Variants in DGKZ observed in about 807,000 individuals in gnomAD.
DGKZ encodes diacylglycerol kinase zeta.
DGKZ carries 45 observed loss-of-function variants against 142.5 expected under a neutral mutation model. The ratio of observed to expected loss-of-function variants is 0.32; its 90% CI spans 0.25 to 0.40. The LOEUF is 0.40. Among genes scored for constraint, DGKZ ranks in the 10% least tolerant of loss-of-function variants. The pLI is 1.00. For missense variants in DGKZ, 755 were observed against 1,306.5 expected (o/e 0.58, Z 6.51); for synonymous variants, 442 against 527.0 (o/e 0.84, Z 2.21).
At chr11:46,375,768 C>G in intron 20 of DGKZ, 83 bp from the exon 21 acceptor site, 1 of 1,519,056 alleles carries the variant, frequency 6.6e-7, no homozygotes, top group Non-Finnish European at 8.9e-7. Context: ...GACCTTCTCT[C>G]GGCAAGTGGT....
At chr11:46,336,013 G>A (rs974888682) in intron 1 of DGKZ, among the ~76,000 whole-genome samples, 2 of 152,194 alleles carry the variant, frequency 1.3e-5, no homozygotes, top group Non-Finnish European at 1.5e-5. Flanking sequence ...CCTGCTGTGC[G>A]GAGTTGCTAA....
At chr11:46,369,865 G>A (rs1943749725) in intron 5 of DGKZ, 76 bp from the exon 6 acceptor site, 5 of 1,514,184 alleles carry the variant, frequency 3.3e-6, no homozygotes, top group Non-Finnish European at 4.6e-6. Context: ...CCCGTGTGTT[G>A]AGCCGTGTGG....
rs1944491008 is a variant in DGKZ at position 46,376,054 on chromosome 11, T to C, written c.2012-12T>C. ...GGTGCAGCCAGCTGCTGACAGGTGC[T>C]CTGTTCTCCAGCTGTGCCGCTGGGC... On this transcript the variant is annotated splice_polypyrimidine_tract_variant and intron_variant, in intron 21 of 30. Coordinates refer to ENST00000527911, the Ensembl canonical transcript of DGKZ. 2 of 1,611,988 alleles carry C rather than the reference T, an allele frequency of 1.2e-6. No homozygotes were observed. Among genetic ancestry groups the C allele is most frequent in the Non-Finnish European group, 1.7e-6 (2 of 1,179,918 alleles).
In DGKZ at chr11:46,375,916, C is replaced by G. The variant is rs1168535779; in HGVS notation, c.1976C>G (p.Ala659Gly). ...CGCGTCAGCATGCACGACTATGAGG[C>G]CCTGCACTACGACAAGGAGCAGCTC... is the stretch of plus-strand genomic sequence containing the variant. The change falls in exon 21 of 31, where the codon GCC becomes GGC. Residue 659 changes from alanine (A) to glycine (G), a missense_variant. This residue lies in a region of DGKZ where 114 missense variants were observed against 180.9 expected (regional missense o/e 0.63). Coordinates refer to ENST00000527911, the Ensembl canonical transcript of DGKZ. The G allele has an allele frequency of 6.2e-7, 1 of 1,600,338 alleles. No individual in the cohort carries two copies.
intron 25 of DGKZ, 36 bp from the exon 26 acceptor site, chr11:46,378,162 C>G: frequency 1.9e-6 from 3 of 1,599,406 alleles, no homozygotes; most frequent in Non-Finnish European, 2.6e-6. Flanking sequence ...CTGGCCTGTG[C>G]CGTAGCCGGT....
chr11:46,333,255 C>T (rs1018134170), exon 1 of DGKZ: 4 of 1,247,348 alleles, frequency 3.2e-6, no homozygotes, highest in Non-Finnish European at 3.0e-6. Context: ...GCAGGAGCCG[C>T]GGGCGGAAGG....
intron 1 of DGKZ, among the ~76,000 whole-genome samples, chr11:46,354,876 G>A (rs1941822213): frequency 6.6e-6 from 1 of 152,062 alleles, no homozygotes; most frequent in Admixed American, 6.5e-5. Flanking sequence ...GAATTCTCAC[G>A]GATCCATTTT....
intron 1 of DGKZ, among the ~76,000 whole-genome samples, chr11:46,335,425 ACG>A (rs922923069): frequency 2.8e-5 from 4 of 142,436 alleles, no homozygotes; most frequent in African/African-American, 3.1e-5. Context: ...GCACACGTGC[ACG>A]CACACACACA....
At chr11:46,375,715 G>A (rs1486305796) in intron 20 of DGKZ, 84 bp downstream of exon 20, 4 of 1,510,174 alleles carry the variant, frequency 2.6e-6, no homozygotes, top group East Asian at 4.9e-5. Flanking sequence ...CTGTAAAAGG[G>A]GCTGACTGTC....
intron 26 of DGKZ, 82 bp from the exon 27 acceptor site, chr11:46,378,375 G>A: frequency 1.3e-6 from 2 of 1,547,190 alleles, no homozygotes; most frequent in Non-Finnish European, 1.7e-6. Flanking sequence ...ACACATGCCT[G>A]GCCGGCACAG....
Position 46,376,645 on chromosome 11 carries a change from C to T in DGKZ, c.2202+81C>T, listed in dbSNP as rs934427537. 9 of 1,563,172 alleles carry T rather than the reference C, an allele frequency of 5.8e-6. No individual in the cohort carries two copies. In the African/African-American group the frequency reaches 9.5e-5, roughly 16 times the overall value. On this transcript the variant is annotated intron_variant, in intron 24 of 30. Coordinates refer to ENST00000527911, the Ensembl canonical transcript of DGKZ. Reference sequence around the variant, plus strand: ...TCTCCTGGGACGCCTTCCCTGTTAGCTCCCCCGATGGGCTCACCTCTGTCC... The same window carrying T: ...TCTCCTGGGACGCCTTCCCTGTTAGTTCCCCCGATGGGCTCACCTCTGTCC...
chr11:46,360,949 G>A (rs879814459), intron 1 of DGKZ, among the ~76,000 whole-genome samples: 4 of 152,174 alleles, frequency 2.6e-5, no homozygotes, highest in Admixed American at 6.5e-5. Context: ...CCTTAGCTTG[G>A]CAGAGCCAGA....
chr11:46,333,487 G>C (rs1365305806), exon 1 of DGKZ: 29 of 1,543,404 alleles, frequency 1.9e-5, no homozygotes, highest in Non-Finnish European at 2.4e-5. Context: ...GTGTCTTACA[G>C]GTAAGGAGGA....
At position 46,378,944 on chromosome 11, in the gene DGKZ, A is replaced by T. The variant is rs774488967; in HGVS notation, c.2419-47A>T. The T allele has an allele frequency of 2.0e-6, 3 of 1,503,940 alleles. No individual in the cohort carries two copies. The Admixed American group carries it at 6.5e-5, about 33-fold the overall frequency. The allele number at this position is 1,503,940 out of a possible 1,614,324, so 93.2% of individuals were successfully genotyped here. A position where few individuals can be genotyped will look rare whatever the true frequency, so the allele number is the denominator to read the frequency against. ...GGCCAGCGTGTGAGCTCAGGGAAGG[A>T]GGGGTGGCCCCAGGAGGTCCAGCCC... On this transcript the variant is annotated intron_variant, in intron 27 of 30. Coordinates refer to ENST00000527911, the Ensembl canonical transcript of DGKZ.
intron 4 of DGKZ, chr11:46,369,005 G>C (rs1278903342): frequency 9.8e-6 from 2 of 204,344 alleles, no homozygotes; most frequent in Non-Finnish European, 2.0e-5. Flanking sequence ...TCAGGAGTTT[G>C]AGACCAGCCT....
At chr11:46,374,734 T>G (rs1368968082) in intron 17 of DGKZ, 32 bp from the exon 18 acceptor site, 1 of 1,612,454 alleles carries the variant, frequency 6.2e-7, no homozygotes, top group Admixed American at 1.7e-5. Context: ...ACCTGGCACA[T>G]GCACCTCAAC....
chr11:46,370,142 G>A (rs1943785515), intron 6 of DGKZ, 133 bp downstream of exon 6: 3 of 1,101,390 alleles, frequency 2.7e-6, no homozygotes, highest in African/African-American at 3.1e-5. Context: ...CAGCCTGGCT[G>A]CAGTGCCTTC....
Position 46,379,773 on chromosome 11 carries a change from C to T in DGKZ, c.2689-58C>T, listed in dbSNP as rs1326146738. ...GGAGGTAGAGCCCCTGCCTCTCAGC[C>T]TGCTAGGGGTTAGGCCTGCCTCTGG... On this transcript the variant is annotated intron_variant, in intron 30 of 30. Coordinates refer to ENST00000527911, the Ensembl canonical transcript of DGKZ. 9 of 1,501,960 alleles carry T rather than the reference C, an allele frequency of 6.0e-6. No individual in the cohort carries two copies. In the East Asian group the frequency reaches 1.4e-4, roughly 24 times the overall value. The allele number at this position is 1,501,960 out of a possible 1,614,324, so 93.0% of individuals were successfully genotyped here.
intron 19 of DGKZ, among the ~76,000 whole-genome samples, 164 bp downstream of exon 19, chr11:46,375,209 G>T (rs1277430448): frequency 6.6e-6 from 1 of 152,126 alleles, no homozygotes; most frequent in African/African-American, 2.4e-5. Flanking sequence ...TCCTCACTAT[G>T]CCTCGGGATA....
Sources: gnomAD v4.1 joint callset for allele counts (sites outside exome capture counted in the v4.1 genomes callset) on GRCh38, gnomAD v4.1.1 for gene constraint, gnomAD v4.1.1 regional missense constraint, MANE v1.5 for transcripts, NCBI Gene and HGNC (gene_info 2026-07-23, HGNC 2026-07-21) for gene names.